FAS: variants seen among roughly 807,000 people sequenced by gnomAD.
The protein encoded by FAS is tumor necrosis factor receptor superfamily member 6.
A neutral mutation model predicts 33.2 loss-of-function variants in FAS; 5 were observed. The observed-to-expected ratio is 0.15, with a 90% CI of 0.08 to 0.32. The LOEUF (loss-of-function observed/expected upper bound fraction) is 0.32, where lower values mean the gene tolerates loss of function less well. FAS is among the 10% of genes least tolerant of loss of function. The pLI, the probability that FAS is intolerant of heterozygous loss-of-function variation, is 1.00. For missense variants in FAS, 339 were observed against 386.0 expected (o/e 0.88, Z 1.02); for synonymous variants, 131 against 130.7 (o/e 1.00, Z -0.01).
chr10:89,012,558 T>C (rs1199587422), intron 7 of FAS: 1 of 158,404 alleles, frequency 6.3e-6, no homozygotes, highest in Non-Finnish European at 1.4e-5. Flanking sequence ...TATGATATGG[T>C]ACCCAAATTA....
rs537778773 is a variant in FAS, at chr10:88,967,021, G to A, written n.95-6161G>A. ...AGGCTGTGTGCCAAGATCAGCCTGGGAGTTTATACAACACTTATTTTAGCT... is the reference window on the plus strand; with the variant it reads ...AGGCTGTGTGCCAAGATCAGCCTGGAAGTTTATACAACACTTATTTTAGCT... On this transcript the variant is annotated intron_variant and non_coding_transcript_variant, in intron 1 of 3. Transcript: ENST00000688239. 3.9e-5 allele frequency among the ~76,000 whole-genome samples: 6 copies of A among 152,292 alleles called. No homozygotes were observed. In the South Asian group the frequency reaches 1.2e-3, roughly 32 times the overall value.
rs187980745 is a variant in FAS at position 89,015,762 on chromosome 10, C to T, written c.*1312C>T. The T allele has an allele frequency of 4.9e-5, 24 of 486,498 alleles. No individual in the cohort carries two copies. Among genetic ancestry groups the T allele is most frequent in the African/African-American group, 2.3e-4 (12 of 52,594 alleles). The allele number at this position is 486,498 out of a possible 1,614,324, so 30.1% of individuals were successfully genotyped here. A position where few individuals can be genotyped will look rare whatever the true frequency, so the allele number is the denominator to read the frequency against. ...GAATTATAAAATATAGGTAAAAGTA[C>T]GTAATTAAATAATGTTTTTGGTATT... is the stretch of plus-strand genomic sequence containing the variant. On this transcript the variant is annotated 3_prime_UTR_variant, in exon 9 of 9. Coordinates refer to ENST00000652046, the MANE Select transcript of FAS (RefSeq NM_000043.6).
chr10:89,012,052 G>C lies in FAS; in HGVS notation c.622G>C (p.Gly208Arg), dbSNP rs1848558519. ...TCRKHRKENQ[G>R]SHESPTLNPE... ...CAGAAAGCACAGAAAGGAAAACCAA[G>C]GTTCTCATGAATCTCCAACTTTAAA... The change falls in exon 7 of 9, where the codon GGT (glycine) becomes CGT (arginine). Residue 208 changes from glycine (G) to arginine (R), a missense_variant. By Grantham distance (125) the Gly-to-Arg change is moderately radical. Around this residue, in one of 3 missense-constraint regions of FAS, gnomAD observed 276 missense variants for 300.1 expected, o/e 0.92. Transcript: ENST00000652046. 6.2e-7 allele frequency: 1 copy of C among 1,613,746 alleles called. No homozygotes were observed. Among genetic ancestry groups the C allele is most frequent in the African/African-American group, 1.3e-5 (1 of 74,928 alleles).
At chr10:88,970,455 G>T (rs939526373) in intron 1 of FAS, among the ~76,000 whole-genome samples, 1 of 152,114 alleles carries the variant, frequency 6.6e-6, no homozygotes, top group East Asian at 1.9e-4. Flanking sequence ...TGAGGAGGGC[G>T]TTCAGTTAGT....
At chr10:88,985,458 C>G (rs1941509432), upstream of FAS, among the ~76,000 whole-genome samples, 1 of 152,202 alleles carries the variant, frequency 6.6e-6, no homozygotes, top group Non-Finnish European at 1.5e-5. Context: ...AGAAAACCAC[C>G]TATGTCTCCT....
intron 2 of FAS, among the ~76,000 whole-genome samples, chr10:88,978,635 T>G (rs1484650493): frequency 6.6e-6 from 1 of 152,114 alleles, no homozygotes; most frequent in Non-Finnish European, 1.5e-5. Flanking sequence ...TGCTGAGAGA[T>G]GGGTCTAGTC....
upstream of FAS, among the ~76,000 whole-genome samples, chr10:88,987,158 G>A (rs1846922990): frequency 6.6e-6 from 1 of 152,286 alleles, no homozygotes. Flanking sequence ...TCTAGTGACA[G>A]AAAAATTCTT....
chr10:88,986,667 G>A (rs981359669), upstream of FAS, among the ~76,000 whole-genome samples: 30 of 64,564 alleles, frequency 4.6e-4, no homozygotes, highest in Non-Finnish European at 7.8e-4. Flanking sequence ...AGTAATACAG[G>A]AAGGAAGTAG....
chr10:88,999,025 C>T (rs1847767387), intron 1 of FAS, among the ~76,000 whole-genome samples: 1 of 151,888 alleles, frequency 6.6e-6, no homozygotes. Flanking sequence ...TGGTGGTGCA[C>T]ATCTGTAGTC....
chr10:88,976,191 A>C (rs556968243), intron 2 of FAS, among the ~76,000 whole-genome samples: 3 of 152,314 alleles, frequency 2.0e-5, no homozygotes, highest in Admixed American at 2.0e-4. Context: ...AACACTAACT[A>C]TAGCTGATGA....
chr10:88,989,393 C>A, upstream of FAS: 1 of 407,132 alleles, frequency 2.5e-6, no homozygotes, highest in Non-Finnish European at 4.9e-6. Flanking sequence ...TTTAGGATTT[C>A]AAAAAATTTG....
intron 2 of FAS, among the ~76,000 whole-genome samples, chr10:89,005,715 G>A (rs527391331): frequency 6.6e-6 from 1 of 152,276 alleles, no homozygotes; most frequent in Admixed American, 6.5e-5. Context: ...TCAGCTCACT[G>A]CAACCTCTGC....
At chr10:89,007,885 T>C (rs959465921) in intron 3 of FAS, 48 bp downstream of exon 3, 1 of 1,611,382 alleles carries the variant, frequency 6.2e-7, no homozygotes, top group South Asian at 1.1e-5. Flanking sequence ...TGGAATTTCA[T>C]GTAGAACCAT....
At chr10:89,009,631 C>A (rs1246650807) in intron 4 of FAS, among the ~76,000 whole-genome samples, 1 of 152,126 alleles carries the variant, frequency 6.6e-6, no homozygotes, top group Non-Finnish European at 1.5e-5. Context: ...CCTTGTAAGT[C>A]ATCTTGGGAA....
In FAS at chr10:89,014,187, G is replaced by A; in HGVS notation, c.745G>A (p.Val249Ile). 6.2e-7 allele frequency: 1 copy of A among 1,613,876 alleles called. No individual in the cohort carries two copies. Among genetic ancestry groups the A allele is most frequent in the Non-Finnish European group, 8.5e-7 (1 of 1,179,920 alleles). ...VMTLSQVKGF[V>I]RKNGVNEAKI... ...GACACTAAGTCAAGTTAAAGGCTTTGTTCGAAAGAATGGTGTCAATGAAGC... is the reference window on the plus strand; with the variant it reads ...GACACTAAGTCAAGTTAAAGGCTTTATTCGAAAGAATGGTGTCAATGAAGC... The change falls in exon 9 of 9, where the codon GTT (valine) becomes ATT (isoleucine). Residue 249 changes from valine (V) to isoleucine (I), a missense_variant. Val to Ile is a conservative substitution (Grantham distance 29). Around this residue, in one of 3 missense-constraint regions of FAS, gnomAD observed 276 missense variants for 300.1 expected, o/e 0.92. Coordinates refer to ENST00000652046, the MANE Select transcript of FAS (RefSeq NM_000043.6).
At chr10:89,013,267 T>C (rs1030792411) in intron 7 of FAS, 76 bp from the exon 8 acceptor site, 1 of 1,424,838 alleles carries the variant, frequency 7.0e-7, no homozygotes, top group African/African-American at 1.4e-5. Context: ...TAAGGAAAAA[T>C]TAGAAGTTCA....
chr10:88,973,255 C>T (rs529808952), exon 2 of FAS: 2 of 1,612,418 alleles, frequency 1.2e-6, no homozygotes, highest in East Asian at 4.5e-5. Context: ...GGCTATGGAC[C>T]AAATGGATTC....
chr10:88,992,526 T>C (rs1160160938), intron 1 of FAS: 1 of 152,208 alleles, frequency 6.6e-6, no homozygotes, highest in Non-Finnish European at 1.5e-5. Context: ...AAACTTTGCT[T>C]TTCTGAAAGA....
upstream of FAS, chr10:88,989,483 T>C (rs1210879126): frequency 3.7e-6 from 2 of 543,776 alleles, no homozygotes; most frequent in East Asian, 8.5e-5. Flanking sequence ...TCAGAGTGTG[T>C]GCACAAGGCT....
Sources: allele counts gnomAD v4.1 joint callset (sites outside exome capture counted in the v4.1 genomes callset), GRCh38; gene constraint gnomAD v4.1.1; regional missense constraint gnomAD v4.1.1; transcripts MANE v1.5; gene names NCBI Gene and HGNC (gene_info 2026-07-23, HGNC 2026-07-21).